Variants in AEBP2 observed in about 807,000 individuals in gnomAD.
AEBP2 encodes the protein AE binding protein 2.
A neutral mutation model predicts 50.8 loss-of-function variants in AEBP2; 10 were observed. The ratio of observed to expected loss-of-function variants is 0.20; its 90% CI spans 0.12 to 0.33. The LOEUF (loss-of-function observed/expected upper bound fraction) is 0.33. AEBP2 is among the 10% of genes least tolerant of loss of function. AEBP2 has a pLI of 1.00. For synonymous variants in AEBP2, 296 were observed against 261.3 expected (o/e 1.13, Z -1.28); for missense variants, 570 against 688.0 (o/e 0.83, Z 1.92).
rs545091131 is a variant in AEBP2, at chr12:19,440,596, G to A, written c.671+226G>A. ...GTTCCCCCCCAACTCTCCTTTCCCC[G>A]CCCTCTTTCCCCTCGGCGCTTCGCT... On this transcript the variant is annotated intron_variant, in intron 1 of 7. Coordinates refer to ENST00000266508, the MANE Select transcript of AEBP2 (RefSeq NM_153207.5). The A allele has an allele frequency of 9.7e-6, 14 of 1,450,018 alleles. No individual in the cohort carries two copies. The East Asian group carries it at 1.0e-4, about 11-fold the overall frequency. The allele number at this position is 1,450,018 out of a possible 1,614,324, so 89.8% of individuals were successfully genotyped here.
At chr12:19,466,797 C>T (rs964039841) in intron 2 of AEBP2, 1 of 984,832 alleles carries the variant, frequency 1.0e-6, no homozygotes, top group African/African-American at 1.7e-5. Flanking sequence ...AAATTGGTAA[C>T]CCTAGAAGAT....
At chr12:19,481,856 T>TC (rs1382617683) in intron 3 of AEBP2, among the ~76,000 whole-genome samples, 5 of 152,220 alleles carry the variant, frequency 3.3e-5, no homozygotes, top group African/African-American at 1.2e-4. Context: ...TGATATTTTT[T>TC]CTCTGGAGAA....
intron 1 of AEBP2, among the ~76,000 whole-genome samples, chr12:19,417,114 G>A (rs969962857): frequency 4.0e-5 from 6 of 148,280 alleles, no homozygotes; most frequent in East Asian, 2.0e-4. Flanking sequence ...CTCATGATCC[G>A]GCCCACCTCA....
At chr12:19,452,152 A>G (rs781253952) in intron 1 of AEBP2, among the ~76,000 whole-genome samples, 1 of 152,042 alleles carries the variant, frequency 6.6e-6, no homozygotes, top group Non-Finnish European at 1.5e-5. Context: ...CAGCCTCCCA[A>G]AGTGCTGGGA....
At chr12:19,487,701 G>A (rs1948831215) in intron 3 of AEBP2, among the ~76,000 whole-genome samples, 1 of 151,800 alleles carries the variant, frequency 6.6e-6, no homozygotes, top group East Asian at 1.9e-4. Flanking sequence ...GGGTGAGAGA[G>A]CGAGACCCCA....
chr12:19,509,039 T>C (rs1260998372), intron 5 of AEBP2: 1 of 577,954 alleles, frequency 1.7e-6, no homozygotes, highest in Non-Finnish European at 3.3e-6. Context: ...AAAATCTGCA[T>C]GTGGCATGTG....
chr12:19,447,865 T>C (rs1948100628), intron 1 of AEBP2, among the ~76,000 whole-genome samples: 1 of 152,202 alleles, frequency 6.6e-6, no homozygotes, highest in Non-Finnish European at 1.5e-5. Flanking sequence ...GACAAAACAG[T>C]ATAAAGTAAT....
intron 7 of AEBP2, among the ~76,000 whole-genome samples, chr12:19,515,084 T>C (rs553300253): frequency 1.3e-5 from 2 of 152,354 alleles, no homozygotes; most frequent in South Asian, 4.1e-4. Flanking sequence ...AAGGTAATTC[T>C]TTTTATAATA....
chr12:19,490,742 A>AGT, intron 3 of AEBP2, among the ~76,000 whole-genome samples: 1 of 152,334 alleles, frequency 6.6e-6, no homozygotes, highest in Middle Eastern at 3.4e-3. Flanking sequence ...TTGGGATTAC[A>AGT]GGCATGAGCC....
intron 1 of AEBP2, chr12:19,456,757 C>G (rs532632383): frequency 2.5e-6 from 4 of 1,589,896 alleles, no homozygotes; most frequent in East Asian, 2.2e-5. Flanking sequence ...TGGTGCATTT[C>G]GACAGATTTT....
chr12:19,440,653 A>G, intron 1 of AEBP2: 1 of 1,530,778 alleles, frequency 6.5e-7, no homozygotes, highest in Admixed American at 2.0e-5. Context: ...TCTAACTCGG[A>G]AACAGTCCCC....
At chr12:19,442,992 G>T (rs1207382108) in intron 1 of AEBP2, among the ~76,000 whole-genome samples, 1 of 152,100 alleles carries the variant, frequency 6.6e-6, no homozygotes, top group African/African-American at 2.4e-5. Flanking sequence ...CTATTACAAA[G>T]ATTCTATTAT....
chr12:19,501,190 G>A (rs1419044801), intron 5 of AEBP2, among the ~76,000 whole-genome samples: 1 of 152,040 alleles, frequency 6.6e-6, no homozygotes, highest in African/African-American at 2.4e-5. Flanking sequence ...AATTACCTGG[G>A]TGTGGTAGTG....
intron 2 of AEBP2, among the ~76,000 whole-genome samples, chr12:19,468,982 T>C (rs1347361308): frequency 6.6e-6 from 1 of 152,212 alleles, no homozygotes; most frequent in Non-Finnish European, 1.5e-5. Context: ...TGGAGTGTAG[T>C]GGCGCCATCT....
At chr12:19,505,219 T>C (rs914267069) in intron 5 of AEBP2, among the ~76,000 whole-genome samples, 2 of 152,188 alleles carry the variant, frequency 1.3e-5, no homozygotes, top group African/African-American at 2.4e-5. Flanking sequence ...TTTTATGATA[T>C]GGTAGGTCTG....
chr12:19,438,641 T>C (rs1187623066), upstream of AEBP2, among the ~76,000 whole-genome samples: 2 of 152,290 alleles, frequency 1.3e-5, no homozygotes, highest in East Asian at 3.9e-4. Context: ...ACAGAAAATA[T>C]AAAAAACAAC....
chr12:19,458,700 A>G (rs1049714963), intron 1 of AEBP2, among the ~76,000 whole-genome samples: 2 of 152,202 alleles, frequency 1.3e-5, no homozygotes, highest in South Asian at 2.1e-4. Flanking sequence ...TTTCGCAGCT[A>G]TATAAATCTC....
At chr12:19,511,277 C>T (rs558105760) in intron 5 of AEBP2, among the ~76,000 whole-genome samples, 1 of 152,172 alleles carries the variant, frequency 6.6e-6, no homozygotes. Flanking sequence ...AACTGTTCTT[C>T]TGTAAAACAT....
intron 1 of AEBP2, among the ~76,000 whole-genome samples, chr12:19,452,931 G>T (rs982035009): frequency 6.7e-6 from 1 of 149,938 alleles, no homozygotes; most frequent in South Asian, 2.1e-4. Flanking sequence ...TGATAAATAG[G>T]CCTGTGAAAA....
Sources: gnomAD v4.1 joint callset for allele counts (sites outside exome capture counted in the v4.1 genomes callset) on GRCh38, gnomAD v4.1.1 for gene constraint, MANE v1.5 for transcripts, NCBI Gene and HGNC (gene_info 2026-07-23, HGNC 2026-07-21) for gene names.